MRPL45: variants seen among roughly 807,000 people sequenced by gnomAD.
MRPL45 encodes large ribosomal subunit protein mL45.
In MRPL45, 20 loss-of-function variants were observed where a neutral mutation model predicts 38.1. That is an observed-to-expected ratio of 0.53 (90% CI 0.37 to 0.76). MRPL45 has a LOEUF of 0.76. Ranked by LOEUF, MRPL45 falls within the 30% of genes least tolerant of loss-of-function variation. The probability of loss-of-function intolerance (pLI) is 0.00; values close to 1 mark genes in which losing one functional copy is unlikely to be tolerated. For synonymous variants in MRPL45, 105 were observed against 128.8 expected (o/e 0.82, Z 1.25); for missense variants, 337 against 395.6 (o/e 0.85, Z 1.26).
At chr17:38,299,319 ACTTT>A (rs775999435) in intron 2 of MRPL45, 28 bp from the exon 3 acceptor site, 98 of 1,434,720 alleles carry the variant, frequency 6.8e-5, no homozygotes, top group Non-Finnish European at 1.3e-5. Flanking sequence ...ATCTTTCAAC[ACTTT>A]CTTAATTTTT....
chr17:38,297,811 T>C (rs990306166), intron 1 of MRPL45, among the ~76,000 whole-genome samples: 20 of 152,122 alleles, frequency 1.3e-4, no homozygotes, highest in East Asian at 1.9e-4. Context: ...AAGCATAGCA[T>C]TCAGGGCCCG....
At chr17:38,303,571 G>A (rs2144207243) in intron 3 of MRPL45, among the ~76,000 whole-genome samples, 1 of 152,028 alleles carries the variant, frequency 6.6e-6, no homozygotes, top group South Asian at 2.1e-4. Flanking sequence ...TAGGATTACA[G>A]GTGTGAGCCA....
chr17:38,312,980 A>AT (rs2037127054), intron 4 of MRPL45, among the ~76,000 whole-genome samples: 1 of 83,520 alleles, frequency 1.2e-5, no homozygotes, highest in African/African-American at 4.1e-5. Flanking sequence ...TTTCCTTTTT[A>AT]TTGGTTTTTT....
At chr17:38,307,354 T>TG (rs577216324) in intron 4 of MRPL45, among the ~76,000 whole-genome samples, 2 of 150,944 alleles carry the variant, frequency 1.3e-5, no homozygotes, top group South Asian at 4.2e-4. Flanking sequence ...TTTTTTGAGA[T>TG]GGAGTCTCAC....
intron 3 of MRPL45, among the ~76,000 whole-genome samples, chr17:38,300,867 AC>A (rs2036987771): frequency 6.6e-6 from 1 of 151,808 alleles, no homozygotes; most frequent in African/African-American, 2.4e-5. Flanking sequence ...AATCGCTTGA[AC>A]CCGGGAGGCG....
intron 4 of MRPL45, among the ~76,000 whole-genome samples, chr17:38,317,029 C>T (rs1437475495): frequency 3.3e-5 from 5 of 152,104 alleles, no homozygotes; most frequent in Non-Finnish European, 7.3e-5. Context: ...ATCTCCTGAC[C>T]TCGTGATCTG....
chr17:38,303,125 A>G (rs1447481719), intron 3 of MRPL45, among the ~76,000 whole-genome samples: 7 of 151,834 alleles, frequency 4.6e-5, no homozygotes, highest in Non-Finnish European at 7.4e-5. Context: ...ATATTGTTAT[A>G]ACTTGGAAAA....
chr17:38,306,276 G>T (rs997785592), intron 3 of MRPL45, among the ~76,000 whole-genome samples: 10 of 152,092 alleles, frequency 6.6e-5, no homozygotes, highest in Admixed American at 4.6e-4. Context: ...GCGTGTGGTC[G>T]CGGGCGCCTG....
At chr17:38,316,860 C>T (rs773268833) in intron 4 of MRPL45, among the ~76,000 whole-genome samples, 13 of 151,322 alleles carry the variant, frequency 8.6e-5, no homozygotes, top group South Asian at 2.1e-4. Flanking sequence ...TGCAGTGGCG[C>T]GATCTTGGCT....
At chr17:38,299,002 A>G (rs2036964857) in intron 2 of MRPL45, among the ~76,000 whole-genome samples, 1 of 149,716 alleles carries the variant, frequency 6.7e-6, no homozygotes, top group Non-Finnish European at 1.5e-5. Flanking sequence ...CGATTCTCCT[A>G]CCTCAGCCTT....
At chr17:38,301,406 A>T (rs2036994049) in intron 3 of MRPL45, among the ~76,000 whole-genome samples, 1 of 151,888 alleles carries the variant, frequency 6.6e-6, no homozygotes, top group Non-Finnish European at 1.5e-5. Flanking sequence ...ACGTCTGGCT[A>T]ATTTTGTATT....
intron 4 of MRPL45, among the ~76,000 whole-genome samples, chr17:38,313,783 C>T (rs1597653016): frequency 6.6e-6 from 1 of 151,672 alleles, no homozygotes; most frequent in East Asian, 1.9e-4. Flanking sequence ...CTGCCTCAGC[C>T]TCCCGAGTAG....
At chr17:38,311,542 T>C (rs978909485) in intron 4 of MRPL45, among the ~76,000 whole-genome samples, 1 of 151,940 alleles carries the variant, frequency 6.6e-6, no homozygotes, top group African/African-American at 2.4e-5. Context: ...AAAAATTAGC[T>C]GGGTGTGGTG....
At chr17:38,304,753 A>C (rs550928780) in intron 3 of MRPL45, among the ~76,000 whole-genome samples, 4 of 152,102 alleles carry the variant, frequency 2.6e-5, no homozygotes, top group Non-Finnish European at 5.9e-5. Context: ...CATATTGGCC[A>C]GGCCAGTCTC....
chr17:38,312,065 A>G (rs1487016417), intron 4 of MRPL45, among the ~76,000 whole-genome samples: 1 of 130,830 alleles, frequency 7.6e-6, no homozygotes, highest in African/African-American at 2.9e-5. Context: ...TTTTTTTTTG[A>G]GATGGAGTTT....
In MRPL45 at chr17:38,322,250, A is replaced by C; in HGVS notation, c.785A>C (p.His262Pro). The change falls in exon 7 of 8, where the codon CAT becomes CCT. Residue 262 changes from histidine to proline, a missense_variant. Physicochemically the swap from His to Pro is moderately conservative, Grantham distance 77. Coordinates refer to ENST00000613675, the MANE Select transcript of MRPL45 (RefSeq NM_032351.6). ...LTNPYGSWRM[H>P]TKIVPPWAPP... ...AACCCCTATGGAAGCTGGAGAATGC[A>C]TACCAAGATCGTTCCCCCATGGGCA... is the stretch of plus-strand genomic sequence containing the variant. 6.2e-7 allele frequency: 1 copy of C among 1,614,148 alleles called. No individual in the cohort carries two copies. The highest frequency in any genetic ancestry group is 8.5e-7 in the Non-Finnish European group (1 of 1,180,020).
intron 2 of MRPL45, 78 bp from the exon 3 acceptor site, chr17:38,299,273 A>G: frequency 2.1e-6 from 2 of 949,348 alleles, no homozygotes; most frequent in Non-Finnish European, 3.1e-6. Context: ...AATCCTTCCC[A>G]ATTTTACATT....
chr17:38,319,986 C>T lies in MRPL45; in HGVS notation c.511-632C>T, dbSNP rs148340069. On this transcript the variant is annotated intron_variant, in intron 5 of 7. Transcript: ENST00000613675. ...GGCGTGGTGGCGGGCGCCAGTAGTC[C>T]CAGCTACTCGGGAAGCTGAGGCAAG... is the stretch of plus-strand genomic sequence containing the variant. Among the ~76,000 whole-genome samples, 751 of 152,258 alleles carry T rather than the reference C, an allele frequency of 4.9e-3. 5 individuals are homozygous for T. Among genetic ancestry groups the T allele is most frequent in the African/African-American group, 0.017 (691 of 41,548 alleles).
At chr17:38,310,183 T>G (rs1055519075) in intron 4 of MRPL45, among the ~76,000 whole-genome samples, 11 of 150,308 alleles carry the variant, frequency 7.3e-5, no homozygotes, top group Non-Finnish European at 8.9e-5. Flanking sequence ...CTCCATTCTG[T>G]CATCTAATTT....
Sources: allele counts gnomAD v4.1 joint callset (sites outside exome capture counted in the v4.1 genomes callset), GRCh38; gene constraint gnomAD v4.1.1; transcripts MANE v1.5; gene names NCBI Gene and HGNC (gene_info 2026-07-23, HGNC 2026-07-21).